TPM3: variants seen among roughly 807,000 people sequenced by gnomAD.
TPM3 encodes the protein tropomyosin 3.
TPM3 carries 16 observed loss-of-function variants against 43.1 expected under a neutral mutation model. That is an observed-to-expected ratio of 0.37 (90% CI 0.25 to 0.56). The LOEUF (loss-of-function observed/expected upper bound fraction) is 0.56. Among genes scored for constraint, TPM3 ranks in the 20% least tolerant of loss-of-function variants. TPM3 has a pLI of 0.77. For synonymous variants in TPM3, 101 were observed against 116.9 expected, an observed-to-expected ratio of 0.86 and a Z score of 0.88; for missense variants, 176 against 337.2, an observed-to-expected ratio of 0.52 and a Z score of 3.74.
intron 7 of TPM3, 45 bp downstream of exon 7, chr1:154,170,604 C>T (rs776011548): frequency 6.3e-7 from 1 of 1,597,638 alleles, no homozygotes; most frequent in Non-Finnish European, 8.6e-7. Flanking sequence ...GCCTTATATA[C>T]CTCTAAATGT....
At chr1:154,189,900 T>C (rs1437188883) in intron 2 of TPM3, among the ~76,000 whole-genome samples, 1 of 152,056 alleles carries the variant, frequency 6.6e-6, no homozygotes, top group African/African-American at 2.4e-5. Context: ...GTTCACTCTG[T>C]CTGTCCTTCT....
Position 154,169,378 on chromosome 1 carries a change from G to C in TPM3, c.781C>G (p.Leu261Val). 1.2e-6 allele frequency: 2 copies of C among 1,614,232 alleles called. No individual in the cohort carries two copies. The highest frequency in any genetic ancestry group is 1.7e-6 in the Non-Finnish European group (2 of 1,180,040). The stretch of plus-strand genomic sequence containing the variant: ...TTGTACTTCAGTTTCTGGGCATAGA[G>C]CTCATCTGGACAGGCACAGGAACCA... Reference protein sequence around the residue: ...EKTIDDLEDELYAQKLKYKAI... With the variant: ...EKTIDDLEDEVYAQKLKYKAI... Residue 261 changes from leucine (L) to valine (V), a missense_variant, in exon 9 of 10, where the codon CTC (leucine) becomes GTC (valine). Coordinates refer to ENST00000651641, the MANE Select transcript of TPM3 (RefSeq NM_152263.4).
At chr1:154,155,385 G>A (rs1659693129), downstream of TPM3, 1 of 318,358 alleles carries the variant, frequency 3.1e-6, no homozygotes, top group African/African-American at 2.1e-5. Flanking sequence ...CACACCCTCC[G>A]CCCGACAAAA....
chr1:154,159,134 T>A (rs1660103583), downstream of TPM3: 6 of 744,416 alleles, frequency 8.1e-6, no homozygotes, highest in Admixed American at 1.1e-4. Flanking sequence ...GTTAGTAGAG[T>A]ACCAGAAGTA....
rs34224787 is a variant in TPM3 at position 154,174,368 on chromosome 1, GTATATATATATATATATATATATATA to G, written c.378-1193_378-1168del. ...AAATAAATATTATTTAAATATATGTGTATATATATATATATATATATATATATATATATATATATACACACAAAAAT... is the reference window on the plus strand; with the variant it reads ...AAATAAATATTATTTAAATATATGTGTATATATATATATACACACAAAAAT... On this transcript the variant is annotated intron_variant, in intron 3 of 9. Transcript: ENST00000651641. 4.3e-3 allele frequency among the ~76,000 whole-genome samples: 200 copies of G among 46,382 alleles called. 6 individuals are homozygous for G. The highest frequency in any genetic ancestry group is 5.2e-3 in the African/African-American group (78 of 14,938). The allele number at this position is 46,382 out of a possible 152,430, so 30.4% of individuals were successfully genotyped here.
At position 154,164,180 on chromosome 1, in the gene TPM3, T is replaced by TG. The variant is rs574252210; in HGVS notation, c.*3756dup. On this transcript the variant is annotated 3_prime_UTR_variant, in exon 10 of 10. Transcript: ENST00000651641. ...CCCCACCACTTTCCTACTCTTTTTTTGGGGGGGGTCTCATTCTGCCACCCA... is the reference window on the plus strand; with the variant it reads ...CCCCACCACTTTCCTACTCTTTTTTTGGGGGGGGGTCTCATTCTGCCACCCA... 3.4e-3 allele frequency among the ~76,000 whole-genome samples: 519 copies of TG among 151,466 alleles called. No homozygotes were observed. Among genetic ancestry groups the TG allele is most frequent in the African/African-American group, 4.0e-3 (166 of 41,278 alleles).
At chr1:154,171,687 T>C (rs1048023956) in intron 5 of TPM3, 199 bp from the exon 6 acceptor site, 10 of 661,584 alleles carry the variant, frequency 1.5e-5, no homozygotes, top group Non-Finnish European at 2.4e-5. Flanking sequence ...AGCTAGACCT[T>C]CCTGGGCTCA....
intron 2 of TPM3, chr1:154,178,323 A>AG (rs1662571748): frequency 2.9e-6 from 1 of 342,368 alleles, no homozygotes; most frequent in Non-Finnish European, 4.1e-6. Context: ...GAAAAGGGAG[A>AG]GGGGGAAAAC....
At chr1:154,159,194 C>T, downstream of TPM3, 1 of 668,364 alleles carries the variant, frequency 1.5e-6, no homozygotes. Context: ...ATCTGTAAGG[C>T]AGGGTGGATG....
rs1219370801 is a variant in TPM3, at chr1:154,169,337, C to T, written c.822G>A (p.Glu274=). The T allele has an allele frequency of 9.3e-6, 15 of 1,614,092 alleles. No homozygotes were observed. The highest frequency in any genetic ancestry group is 1.2e-5 in the Non-Finnish European group (14 of 1,180,042). ...TCATGTCATTGAGGGCGTGGTCCAG[C>T]TCCTCGCTAATGGCCTTGTACTTCA... is the stretch of plus-strand genomic sequence containing the variant. ...QKLKYKAISE[E]LDHALNDMTS... The change falls in exon 9 of 10, where the codon GAG becomes GAA. Residue 274 remains glutamate, a synonymous_variant. Coordinates refer to ENST00000651641, the MANE Select transcript of TPM3 (RefSeq NM_152263.4).
chr1:154,162,046 C>T lies in TPM3; in HGVS notation c.*5891G>A, dbSNP rs1417847251. 6.6e-6 allele frequency among the ~76,000 whole-genome samples: 1 copy of T among 152,078 alleles called. No homozygotes were observed. The highest frequency in any genetic ancestry group is 1.5e-5 in the Non-Finnish European group (1 of 68,018). ...AGGCAAGGCAGAGAACCTATTTGGTCTAGCGTTCTTTTCAGCTATATCTAA... is the reference window on the plus strand; with the variant it reads ...AGGCAAGGCAGAGAACCTATTTGGTTTAGCGTTCTTTTCAGCTATATCTAA... On this transcript the variant is annotated 3_prime_UTR_variant, in exon 10 of 10. Coordinates refer to ENST00000651641, the MANE Select transcript of TPM3 (RefSeq NM_152263.4).
intron 2 of TPM3, chr1:154,182,881 G>A: frequency 6.4e-7 from 1 of 1,561,918 alleles, no homozygotes; most frequent in Non-Finnish European, 8.7e-7. Flanking sequence ...TCATCTCCGA[G>A]CCCGCCGGCC....
chr1:154,183,368 T>G, intron 2 of TPM3: 1 of 1,342,970 alleles, frequency 7.4e-7, no homozygotes, highest in Non-Finnish European at 9.8e-7. Context: ...GGCCTTACCT[T>G]GGGCCAGTAA....
intron 2 of TPM3, chr1:154,178,097 C>T: frequency 1.0e-6 from 1 of 978,214 alleles, no homozygotes; most frequent in Non-Finnish European, 1.2e-6. Flanking sequence ...GGAGACACTG[C>T]TAGTAAAATG....
intron 3 of TPM3, among the ~76,000 whole-genome samples, chr1:154,174,368 G>GTA (rs34224787): frequency 0.061 from 2,839 of 46,238 alleles, 136 homozygotes; most frequent in Non-Finnish European, 0.094. Context: ...AAATATATGT[G>GTA]TATATATATA....
chr1:154,177,714 C>G (rs1338886590), intron 2 of TPM3, among the ~76,000 whole-genome samples: 1 of 152,124 alleles, frequency 6.6e-6, no homozygotes, highest in Admixed American at 6.5e-5. Flanking sequence ...GTTGGTGCAG[C>G]TATAGAAACA....
At chr1:154,181,271 A>C (rs1185842074) in intron 2 of TPM3, among the ~76,000 whole-genome samples, 2 of 152,172 alleles carry the variant, frequency 1.3e-5, no homozygotes, top group African/African-American at 4.8e-5. Context: ...GTATTCCAAC[A>C]ATCTTTAAGT....
chr1:154,187,788 T>C (rs1000062950), intron 2 of TPM3, among the ~76,000 whole-genome samples: 3 of 151,550 alleles, frequency 2.0e-5, no homozygotes, highest in African/African-American at 7.3e-5. Flanking sequence ...ATACTAGCCG[T>C]TTCAGCCTAA....
At chr1:154,183,341 C>A (rs1030701661) in intron 2 of TPM3, 37 of 1,439,188 alleles carry the variant, frequency 2.6e-5, no homozygotes, top group Non-Finnish European at 3.3e-5. Flanking sequence ...TCCCAGTCGC[C>A]CTGGAGTACG....
Sources: allele counts gnomAD v4.1 joint callset (sites outside exome capture counted in the v4.1 genomes callset), GRCh38; gene constraint gnomAD v4.1.1; transcripts MANE v1.5; gene names NCBI Gene and HGNC (gene_info 2026-07-23, HGNC 2026-07-21).